TCFL5: variants seen among roughly 807,000 people sequenced by gnomAD.
TCFL5 encodes transcription factor like 5, also known as transcription factor-like 5 protein.
Under a neutral mutation model 44.3 loss-of-function variants are expected in TCFL5, and 9 were observed. The observed-to-expected ratio is 0.20, with a 90% CI of 0.12 to 0.35. The LOEUF is 0.35. TCFL5 is among the 10% of genes least tolerant of loss of function. The pLI is 1.00. For missense variants in TCFL5, 603 were observed against 613.4 expected (o/e 0.98, Z 0.18); for synonymous variants, 319 against 271.6 (o/e 1.17, Z -1.72).
intron 4 of TCFL5, among the ~76,000 whole-genome samples, chr20:62,855,912 C>T (rs2063881136): frequency 6.6e-6 from 1 of 152,112 alleles, no homozygotes; most frequent in Admixed American, 6.6e-5. Context: ...GTACTCGATA[C>T]ATTATGTAGT....
At chr20:62,853,975 A>G (rs938314263) in intron 5 of TCFL5, 41 bp downstream of exon 5, 1 of 1,604,666 alleles carries the variant, frequency 6.2e-7, no homozygotes, top group Non-Finnish European at 8.5e-7. Flanking sequence ...TGTTAAGTAA[A>G]ATTTGTAAAA....
intron 5 of TCFL5, among the ~76,000 whole-genome samples, chr20:62,848,459 G>C (rs955520464): frequency 1.3e-5 from 2 of 152,214 alleles, no homozygotes; most frequent in Non-Finnish European, 2.9e-5. Context: ...TCAACACGGG[G>C]GCCGGGCACA....
rs1430910852 is a variant in TCFL5 at position 62,857,413 on chromosome 20, C to T, written c.1220G>A (p.Arg407Gln). 3.7e-6 allele frequency: 6 copies of T among 1,614,160 alleles called. No homozygotes were observed. Among genetic ancestry groups the T allele is most frequent in the Non-Finnish European group, 3.4e-6 (4 of 1,180,036 alleles). Residue 407 changes from arginine to glutamine, a missense_variant, in exon 4 of 6, where the codon CGA becomes CAA. Arg to Gln is a conservative substitution (Grantham distance 43, BLOSUM62 1). Around this residue, in one of 4 missense-constraint regions of TCFL5, gnomAD observed 21 missense variants for 54.0 expected, o/e 0.39. Coordinates refer to ENST00000335351, the MANE Select transcript of TCFL5 (RefSeq NM_006602.4). The part of the protein sequence containing the change: ...GRSQRRERHN[R>Q]MERDRRRRIR... ...GTATTACCTTCTATCTCTTTCCATTCGGTTATGCCTCTCCCTACGTTGAGA... is the reference window on the plus strand; with the variant it reads ...GTATTACCTTCTATCTCTTTCCATTTGGTTATGCCTCTCCCTACGTTGAGA...
intron 4 of TCFL5, among the ~76,000 whole-genome samples, chr20:62,857,160 A>G (rs933545505): frequency 4.6e-5 from 7 of 152,148 alleles, no homozygotes; most frequent in African/African-American, 1.7e-4. Flanking sequence ...CTTTCTCCAT[A>G]GTAAGTCACA....
chr20:62,846,840 A>G (rs1375960078), intron 5 of TCFL5, among the ~76,000 whole-genome samples: 1 of 152,130 alleles, frequency 6.6e-6, no homozygotes, highest in African/African-American at 2.4e-5. Context: ...TAGTAAGAAA[A>G]AAGAAATAGC....
At chr20:62,857,669 A>G in intron 3 of TCFL5, 31 bp from the exon 4 acceptor site, 1 of 1,603,438 alleles carries the variant, frequency 6.2e-7, no homozygotes, top group Non-Finnish European at 8.5e-7. Context: ...GTGGTTTTTA[A>G]TTTTGTATTC....
rs559511161 is a variant in TCFL5, at chr20:62,851,255, T to A, written c.1380+2761A>T. 2.4e-4 allele frequency among the ~76,000 whole-genome samples: 37 copies of A among 152,310 alleles called. No individual in the cohort carries two copies. The South Asian group carries it at 7.7e-3, about 32-fold the overall frequency. ...GACTTGACCTCAGCCTGTTTCTTGG[T>A]GGGTCTAATAATGTGACCCAGAAGT... On this transcript the variant is annotated intron_variant, in intron 5 of 5. Transcript: ENST00000335351.
intron 5 of TCFL5, among the ~76,000 whole-genome samples, chr20:62,843,029 G>A (rs539779996): frequency 6.6e-6 from 1 of 152,206 alleles, no homozygotes; most frequent in Non-Finnish European, 1.5e-5. Flanking sequence ...ACCTCCCGAA[G>A]GAGACTGAGA....
intron 3 of TCFL5, among the ~76,000 whole-genome samples, chr20:62,858,070 GAAC>G (rs2063922715): frequency 6.6e-6 from 1 of 151,140 alleles, no homozygotes; most frequent in Non-Finnish European, 1.5e-5. Flanking sequence ...ATTATTCTAA[GAAC>G]AAGAAAAAAA....
chr20:62,846,626 G>A (rs753350236), intron 5 of TCFL5, among the ~76,000 whole-genome samples: 3 of 151,894 alleles, frequency 2.0e-5, no homozygotes, highest in African/African-American at 4.8e-5. Flanking sequence ...AGACGGGTGC[G>A]GTGGTGAGGG....
chr20:62,860,910 GGAGGGCAGGCTGGGGGCGTGCACAGC>G, intron 1 of TCFL5, 88 bp downstream of exon 1: 1 of 864,286 alleles, frequency 1.2e-6, no homozygotes, highest in Non-Finnish European at 1.4e-6. Flanking sequence ...TGTGCCGCCG[GGAGGGCAGGCTGGGGGCGTGCACAGC>G]GAGGGCCCCC....
At chr20:62,853,067 C>CCCGGTCCGCAGAAGCACAGTCA (rs2063835143) in intron 5 of TCFL5, among the ~76,000 whole-genome samples, 3 of 151,026 alleles carry the variant, frequency 2.0e-5, no homozygotes, top group South Asian at 4.2e-4. Flanking sequence ...AGTACAGTCA[C>CCCGGTCCGCAGAAGCACAGTCA]CCGGTCCGCA....
In TCFL5 at chr20:62,842,199, TTAGAA is replaced by T; in HGVS notation, c.1381-107_1381-103del. On this transcript the variant is annotated intron_variant, in intron 5 of 5. Coordinates refer to ENST00000335351, the MANE Select transcript of TCFL5 (RefSeq NM_006602.4). The surrounding 1 kb of genome is among the most constrained non-coding windows in gnomAD (Gnocchi z 4.3). ...CAAATTAAGAGCTAAGTAAATGACTTTAGAATACGCTGTTTTAAGGTGTCATTCAC... is the reference window on the plus strand; with the variant it reads ...CAAATTAAGAGCTAAGTAAATGACTTTACGCTGTTTTAAGGTGTCATTCAC... The T allele has an allele frequency of 6.9e-7, 1 of 1,455,566 alleles. No individual in the cohort carries two copies. Among genetic ancestry groups the T allele is most frequent in the African/African-American group, 1.4e-5 (1 of 71,228 alleles). The allele number at this position is 1,455,566 out of a possible 1,614,324, so 90.2% of individuals were successfully genotyped here.
Position 62,841,841 on chromosome 20 carries a change from T to C in TCFL5, c.*134A>G. 3 of 1,212,828 alleles carry C rather than the reference T, an allele frequency of 2.5e-6. 1 individual carries two copies. The highest frequency in any genetic ancestry group is 3.4e-6 in the Non-Finnish European group (3 of 885,738). 75.1% of individuals were successfully genotyped at this position (1,212,828 alleles called of 1,614,324 possible). A position where few individuals can be genotyped will look rare whatever the true frequency, so the allele number is the denominator to read the frequency against. On this transcript the variant is annotated 3_prime_UTR_variant, in exon 6 of 6. Transcript: ENST00000335351. ...TTACAAAATGTGCTCTCAAAGTCCC[T>C]ACTGGAGTCCCGTCAGCTTGAGTCA...
At chr20:62,850,585 C>T (rs1314920860) in intron 5 of TCFL5, among the ~76,000 whole-genome samples, 1 of 152,180 alleles carries the variant, frequency 6.6e-6, no homozygotes, top group African/African-American at 2.4e-5. Context: ...CCAGCTACTG[C>T]AGACTCCTGG....
rs1336869223 is a variant in TCFL5 at position 62,844,893 on chromosome 20, G to A, written c.1381-2796C>T. 3 of 985,284 alleles carry A rather than the reference G, an allele frequency of 3.0e-6. No homozygotes were observed. In the South Asian group the frequency reaches 1.4e-4, roughly 46 times the overall value. 61.0% of individuals were successfully genotyped at this position (985,284 alleles called of 1,614,324 possible). Reference sequence around the variant, plus strand: ...TTACAGGCGGGAGCCACGGTTCCCAGTCTGTGTAGTCTTTTTGTTGCTGAG... The same window carrying A: ...TTACAGGCGGGAGCCACGGTTCCCAATCTGTGTAGTCTTTTTGTTGCTGAG... On this transcript the variant is annotated intron_variant, in intron 5 of 5. Coordinates refer to ENST00000335351, the MANE Select transcript of TCFL5 (RefSeq NM_006602.4).
At chr20:62,843,088 C>T (rs1600820535) in intron 5 of TCFL5, among the ~76,000 whole-genome samples, 1 of 152,192 alleles carries the variant, frequency 6.6e-6, no homozygotes, top group Non-Finnish European at 1.5e-5. Context: ...CCAACCACCA[C>T]GGGCAGAATG....
rs1173234542 is a variant in TCFL5 at position 62,861,021 on chromosome 20, C to A, written c.647+3G>T. On this transcript the variant is annotated splice_donor_region_variant and intron_variant, in intron 1 of 5. Coordinates refer to ENST00000335351, the MANE Select transcript of TCFL5 (RefSeq NM_006602.4). The surrounding 1 kb of genome is among the most constrained non-coding windows in gnomAD (Gnocchi z 4.0). ...CGCCAGCCCCCGGCCGCCGGGCACG[C>A]ACTTGTTGAGCGCCCCGCCCGGCTC... The A allele has an allele frequency of 2.0e-6, 2 of 993,958 alleles. No homozygotes were observed. The allele number at this position is 993,958 out of a possible 1,614,324, so 61.6% of individuals were successfully genotyped here.
chr20:62,852,079 A>G (rs1173517049), intron 5 of TCFL5: 3 of 985,190 alleles, frequency 3.0e-6, no homozygotes, highest in Admixed American at 1.2e-4. Context: ...TGCTGGGATC[A>G]CAGGCATGAG....
Sources: allele counts gnomAD v4.1 joint callset (sites outside exome capture counted in the v4.1 genomes callset), GRCh38; gene constraint gnomAD v4.1.1; regional missense constraint gnomAD v4.1.1; non-coding constraint Gnocchi (gnomAD v3.1); transcripts MANE v1.5; gene names NCBI Gene and HGNC (gene_info 2026-07-23, HGNC 2026-07-21).